The following WWOX variants were observed in gnomAD, a reference collection of about 807,000 sequenced individuals.
The protein encoded by WWOX is WW domain containing oxidoreductase.
WWOX carries 69 observed loss-of-function variants against 46.2 expected under a neutral mutation model. The observed-to-expected ratio is 1.49, with a 90% confidence interval of 1.23 to 1.82. The LOEUF is 1.82. Ranked by LOEUF, WWOX falls within the 40% of genes most tolerant of loss-of-function variation. The pLI, the probability that WWOX is intolerant of heterozygous loss-of-function variation, is 0.00. For synonymous variants in WWOX, 359 were observed against 202.6 expected (o/e 1.77, Z -6.56); for missense variants, 919 against 542.6 (o/e 1.69, Z -6.89).
At chr16:78,814,567 C>A (rs995021578) in intron 8 of WWOX, among the ~76,000 whole-genome samples, 1 of 152,022 alleles carries the variant, frequency 6.6e-6, no homozygotes, top group African/African-American at 2.4e-5. Context: ...GATAAAGGCA[C>A]CTGTGTACTT....
At chr16:78,706,631 A>T (rs940927462) in intron 8 of WWOX, among the ~76,000 whole-genome samples, 1 of 152,158 alleles carries the variant, frequency 6.6e-6, no homozygotes. Flanking sequence ...GTTTTTTTCC[A>T]ATTATGGCAA....
At chr16:78,791,063 G>A (rs542484435) in intron 8 of WWOX, among the ~76,000 whole-genome samples, 126 of 148,676 alleles carry the variant, frequency 8.5e-4, no homozygotes, top group South Asian at 2.8e-3. Flanking sequence ...GAAAATCTTC[G>A]TTGTTCTTCA....
intron 8 of WWOX, among the ~76,000 whole-genome samples, chr16:78,819,178 GC>G (rs1247106031): frequency 6.6e-6 from 1 of 152,168 alleles, no homozygotes; most frequent in Non-Finnish European, 1.5e-5. Context: ...GATCTTCTCA[GC>G]CCCATCAGGT....
chr16:79,056,575 G>A (rs1232192859), intron 8 of WWOX, among the ~76,000 whole-genome samples: 1 of 152,182 alleles, frequency 6.6e-6, no homozygotes, highest in Non-Finnish European at 1.5e-5. Context: ...GATCTGCCCT[G>A]TGCATTGTAG....
chr16:78,601,420 A>G (rs115183736), intron 8 of WWOX, among the ~76,000 whole-genome samples: 1,592 of 146,606 alleles, frequency 0.011, 29 homozygotes, highest in African/African-American at 0.038. Flanking sequence ...TGACTGGTGC[A>G]TGGGAATTCC....
rs917731580 is a variant in WWOX, at chr16:78,612,587, C to T, written c.1056+179835C>T. Among the ~76,000 whole-genome samples, 5 of 152,176 alleles carry T rather than the reference C, an allele frequency of 3.3e-5. 1 individual carries two copies. The highest frequency in any genetic ancestry group is 1.2e-4 in the African/African-American group (5 of 41,436). On this transcript the variant is annotated intron_variant, in intron 8 of 8. Transcript: ENST00000566780. Reference sequence around the variant, plus strand: ...AACTCATGGGCTCAAGCATTCCTCCCACATCAGCCTGCCAAGTAGGACTAC... The same window carrying T: ...AACTCATGGGCTCAAGCATTCCTCCTACATCAGCCTGCCAAGTAGGACTAC...
chr16:78,406,177 C>T (rs542837088), intron 6 of WWOX, among the ~76,000 whole-genome samples: 87 of 150,890 alleles, frequency 5.8e-4, no homozygotes, highest in African/African-American at 1.9e-3. Context: ...AAAATCACTG[C>T]GTCAGTTTAC....
At chr16:79,089,244 A>C (rs1011803255) in intron 8 of WWOX, among the ~76,000 whole-genome samples, 3 of 152,040 alleles carry the variant, frequency 2.0e-5, no homozygotes, top group African/African-American at 2.4e-5. Context: ...TCATCTCACA[A>C]GATTTTTGTA....
rs148204812 is a variant in WWOX at position 78,323,136 on chromosome 16, C to G, written c.517-63724C>G. 3.7e-3 allele frequency among the ~76,000 whole-genome samples: 567 copies of G among 152,188 alleles called. 6 individuals carry two copies. The highest frequency in any genetic ancestry group is 0.013 in the African/African-American group (538 of 41,544). On this transcript the variant is annotated intron_variant, in intron 5 of 8. Coordinates refer to ENST00000566780, the MANE Select transcript of WWOX (RefSeq NM_016373.4). ...TTTGTTTGTTTGTTTGAGACGGAGTCTTGCTCTGTTGCCCAGGCTGGAGTA... is the reference window on the plus strand; with the variant it reads ...TTTGTTTGTTTGTTTGAGACGGAGTGTTGCTCTGTTGCCCAGGCTGGAGTA...
chr16:78,781,674 C>G (rs944627548), intron 8 of WWOX, among the ~76,000 whole-genome samples: 1 of 152,100 alleles, frequency 6.6e-6, no homozygotes, highest in Admixed American at 6.6e-5. Context: ...CTAATCCTAC[C>G]TGAAGCAAGA....
intron 8 of WWOX, chr16:78,825,914 A>T (rs536426211): frequency 2.8e-6 from 2 of 721,958 alleles, no homozygotes; most frequent in East Asian, 5.2e-5. Flanking sequence ...CATGGAACCC[A>T]AAGATGAGGT....
At chr16:78,449,424 G>C (rs555152469) in intron 8 of WWOX, among the ~76,000 whole-genome samples, 1 of 152,172 alleles carries the variant, frequency 6.6e-6, no homozygotes, top group East Asian at 1.9e-4. Context: ...GGGTGATCAG[G>C]GCCAGCTACC....
chr16:78,838,674 T>G (rs1208944085), intron 8 of WWOX, among the ~76,000 whole-genome samples: 2 of 152,224 alleles, frequency 1.3e-5, no homozygotes, highest in East Asian at 3.9e-4. Flanking sequence ...AAACCCCATC[T>G]CTACTAAAAA....
intron 8 of WWOX, among the ~76,000 whole-genome samples, chr16:79,207,542 A>G (rs2051557433): frequency 6.6e-6 from 1 of 152,242 alleles, no homozygotes; most frequent in Non-Finnish European, 1.5e-5. Flanking sequence ...TGTCCCTGTA[A>G]GAAAGCAATC....
rs2045628495 is a variant in WWOX, at chr16:78,601,764, A to G, written c.1056+169012A>G. ...ATTAAGTTAGGGAGACAGTAATGGT[A>G]TTGTTAGCAGGCTATTTCAATGATT... On this transcript the variant is annotated intron_variant, in intron 8 of 8. Transcript: ENST00000566780. Among the ~76,000 whole-genome samples the G allele has an allele frequency of 2.0e-5, 3 of 152,194 alleles. 1 individual carries two copies. The South Asian group carries it at 6.2e-4, about 32-fold the overall frequency.
Position 78,360,027 on chromosome 16 carries a change from A to C in WWOX, c.517-26833A>C, listed in dbSNP as rs549676149. ...CTCAGAATTTTGGATTTCAGGAAAC[A>C]AACTTTTTAAAAACAAAACAAAAAG... On this transcript the variant is annotated intron_variant, in intron 5 of 8. Coordinates refer to ENST00000566780, the MANE Select transcript of WWOX (RefSeq NM_016373.4). 2.6e-5 allele frequency among the ~76,000 whole-genome samples: 4 copies of C among 152,342 alleles called. No homozygotes were observed. The East Asian group carries it at 7.7e-4, about 29-fold the overall frequency.
At chr16:78,685,460 A>T (rs1378261212) in intron 8 of WWOX, among the ~76,000 whole-genome samples, 1 of 152,190 alleles carries the variant, frequency 6.6e-6, no homozygotes, top group Non-Finnish European at 1.5e-5. Flanking sequence ...TTTTGTTATA[A>T]ATCTTCACCT....
intron 5 of WWOX, among the ~76,000 whole-genome samples, chr16:78,293,978 G>GAAAAAACAAAAAAAA: frequency 3.3e-5 from 1 of 30,312 alleles, no homozygotes; most frequent in Non-Finnish European, 6.7e-5. Context: ...CTCTGTCTCA[G>GAAAAAACAAAAAAAA]AAAAAAAAAA....
chr16:78,271,085 A>G (rs941583049), intron 5 of WWOX, among the ~76,000 whole-genome samples: 3 of 152,250 alleles, frequency 2.0e-5, no homozygotes, highest in African/African-American at 7.2e-5. Flanking sequence ...TTAGAATTAC[A>G]TCAACATTAA....
Sources: gnomAD v4.1 joint callset for allele counts (sites outside exome capture counted in the v4.1 genomes callset) on GRCh38, gnomAD v4.1.1 for gene constraint, MANE v1.5 for transcripts, NCBI Gene and HGNC (gene_info 2026-07-23, HGNC 2026-07-21) for gene names.